PLEKHA5: variants seen among roughly 807,000 people sequenced by gnomAD.
PLEKHA5 encodes pleckstrin homology domain-containing family A member 5.
Under a neutral mutation model 181.9 loss-of-function variants are expected in PLEKHA5, and 55 were observed. The observed-to-expected ratio is 0.30, with a 90% CI of 0.24 to 0.38. The LOEUF is 0.38. Among genes scored for constraint, PLEKHA5 ranks in the 10% least tolerant of loss-of-function variants. PLEKHA5 has a pLI of 1.00. For missense variants in PLEKHA5, 1,432 were observed against 1,549.5 expected, an observed-to-expected ratio of 0.92 and a Z score of 1.27; for synonymous variants, 535 against 529.4, an observed-to-expected ratio of 1.01 and a Z score of -0.15.
chr12:19,139,481 G>A (rs1338323255), intron 3 of PLEKHA5, among the ~76,000 whole-genome samples: 1 of 152,130 alleles, frequency 6.6e-6, no homozygotes, highest in African/African-American at 2.4e-5. Flanking sequence ...GATTCAGGCT[G>A]GGAATTTCAT....
At chr12:19,160,834 A>G (rs1175413331) in intron 3 of PLEKHA5, among the ~76,000 whole-genome samples, 2 of 152,038 alleles carry the variant, frequency 1.3e-5, no homozygotes, top group Non-Finnish European at 2.9e-5. Flanking sequence ...TTTAATTTGT[A>G]GGGGTGTAGA....
chr12:19,330,396 A>G (rs1244502975), intron 20 of PLEKHA5, among the ~76,000 whole-genome samples: 1 of 152,122 alleles, frequency 6.6e-6, no homozygotes, highest in East Asian at 1.9e-4. Context: ...CCTTTTAAAC[A>G]TCTTTTTTAG....
At chr12:19,142,127 A>G (rs1276340482) in intron 3 of PLEKHA5, among the ~76,000 whole-genome samples, 2 of 152,182 alleles carry the variant, frequency 1.3e-5, no homozygotes, top group Non-Finnish European at 2.9e-5. Flanking sequence ...TGGGAGGCCG[A>G]GGCAGGAGGA....
At chr12:19,351,269 G>T (rs1180955625) in intron 25 of PLEKHA5, among the ~76,000 whole-genome samples, 2 of 152,114 alleles carry the variant, frequency 1.3e-5, no homozygotes, top group Non-Finnish European at 2.9e-5. Context: ...GGGAATGATG[G>T]CTCATTCCTG....
Position 19,320,030 on chromosome 12 carries a change from C to A in PLEKHA5, c.2128C>A (p.Gln710Lys). ...CTTCATTATCTTTTAGTTCTTAAGA[C>A]AGAAGAGCAAGATAAGTCTATATTG... ...RPQLYQQFLR[Q>K]KSKISLYCLS... Residue 710 changes from glutamine (Q) to lysine (K), a missense_variant, in exon 17 of 32, where the codon CAG (glutamine) becomes AAG (lysine). Coordinates refer to ENST00000429027, the MANE Select transcript of PLEKHA5 (RefSeq NM_001256470.2). 7.6e-7 allele frequency: 1 copy of A among 1,309,570 alleles called. No individual in the cohort carries two copies. The highest frequency in any genetic ancestry group is 1.0e-6 in the Non-Finnish European group (1 of 954,446). 81.1% of individuals were successfully genotyped at this position (1,309,570 alleles called of 1,614,324 possible). A position where few individuals can be genotyped will look rare whatever the true frequency, so the allele number is the denominator to read the frequency against.
At chr12:19,283,864 C>G (rs2076673469) in intron 12 of PLEKHA5, 119 bp downstream of exon 12, 2 of 628,586 alleles carry the variant, frequency 3.2e-6, no homozygotes, top group South Asian at 4.3e-5. Context: ...CAAGGCAGCT[C>G]TTTTTTGTTT....
rs780799164 is a variant in PLEKHA5, at chr12:19,283,556, G to C, written c.1590G>C (p.Leu530Phe). ...KQSTLPRHST[L>F]SSPKTMVNIS... ...GCACCCTCCCTCGACACAGTACTTT[G>C]AGTAGTCCCAAAACCATGGTAAATA... Residue 530 changes from leucine to phenylalanine, a missense_variant, in exon 12 of 32, where the codon TTG (leucine) becomes TTC (phenylalanine). Around this residue, in one of 2 missense-constraint regions of PLEKHA5, gnomAD observed 1,143 missense variants for 1,168.4 expected, o/e 0.98. Coordinates refer to ENST00000429027, the MANE Select transcript of PLEKHA5 (RefSeq NM_001256470.2). 4 of 1,614,168 alleles carry C rather than the reference G, an allele frequency of 2.5e-6. No homozygotes were observed. The highest frequency in any genetic ancestry group is 2.5e-6 in the Non-Finnish European group (3 of 1,180,028).
At position 19,336,547 on chromosome 12, in the gene PLEKHA5, G is replaced by T; in HGVS notation, c.2481G>T (p.Lys827Asn). Residue 827 changes from lysine to asparagine, a missense_variant, in exon 21 of 32, where the codon AAG becomes AAT. Lys to Asn is a moderately conservative substitution (Grantham distance 94). Around this residue, in one of 2 missense-constraint regions of PLEKHA5, gnomAD observed 1,143 missense variants for 1,168.4 expected, o/e 0.98. Transcript: ENST00000429027. ...AACGAGCATGGAGAGAATATGATAAGTTAGAATACGATGTAACTGTTACCA... is the reference window on the plus strand; with the variant it reads ...AACGAGCATGGAGAGAATATGATAATTTAGAATACGATGTAACTGTTACCA... ...ELERAWREYD[K>N]LEYDVTVTRN... The T allele has an allele frequency of 6.2e-7, 1 of 1,608,512 alleles. No individual in the cohort carries two copies. The highest frequency in any genetic ancestry group is 1.1e-5 in the South Asian group (1 of 90,536).
chr12:19,348,364 A>C (rs115834684), intron 24 of PLEKHA5, 35 bp from the exon 25 acceptor site: 2 of 1,518,758 alleles, frequency 1.3e-6, no homozygotes, highest in African/African-American at 2.8e-5. Context: ...AACTTTTAGC[A>C]GTTTTTTAGG....
chr12:19,158,603 A>T (rs2042306460), intron 3 of PLEKHA5, among the ~76,000 whole-genome samples: 1 of 152,148 alleles, frequency 6.6e-6, no homozygotes, highest in Non-Finnish European at 1.5e-5. Context: ...AATTTGCTGT[A>T]AAAGACATTT....
intron 14 of PLEKHA5, 115 bp from the exon 15 acceptor site, chr12:19,291,529 A>T (rs1239083774): frequency 1.6e-6 from 1 of 609,846 alleles, no homozygotes; most frequent in East Asian, 2.9e-5. Context: ...GTTGTCGTGT[A>T]CTGTGATATA....
chr12:19,336,983 C>CTTTTTTTTTT (rs1227139242), intron 21 of PLEKHA5, among the ~76,000 whole-genome samples: 1 of 112,668 alleles, frequency 8.9e-6, no homozygotes, highest in African/African-American at 3.7e-5. Flanking sequence ...TATCTTTTAT[C>CTTTTTTTTTT]TTTTTTTTTT....
chr12:19,288,635 GATAAA>G (rs1228635065), intron 13 of PLEKHA5, among the ~76,000 whole-genome samples: 1 of 152,132 alleles, frequency 6.6e-6, no homozygotes, highest in African/African-American at 2.4e-5. Context: ...TACACATTTA[GATAAA>G]ATGAAATATT....
rs1452562887 is a variant in PLEKHA5, at chr12:19,358,398, C to T, written c.3309C>T (p.Ser1103=). The T allele has an allele frequency of 6.2e-7, 1 of 1,613,100 alleles. No individual in the cohort carries two copies. The highest frequency in any genetic ancestry group is 8.5e-7 in the Non-Finnish European group (1 of 1,179,394). Residue 1103 remains serine, a synonymous_variant, in exon 27 of 32, where the codon AGC becomes AGT. Transcript: ENST00000429027. ...CTTCAGACCAGTCACCCTTACAAAG[C>T]CCTTCAAATTTAAGGGATAATCCAT... ...IGASDQSPLQ[S]PSNLRDNPFR...
intron 28 of PLEKHA5, 40 bp from the exon 29 acceptor site, chr12:19,361,542 A>C (rs528536465): frequency 9.6e-7 from 1 of 1,039,648 alleles, no homozygotes; most frequent in African/African-American, 1.6e-5. Context: ...TAATGTGATA[A>C]GAATTCTTTG....
chr12:19,208,269 A>G (rs2056095311), intron 3 of PLEKHA5, among the ~76,000 whole-genome samples: 1 of 147,642 alleles, frequency 6.8e-6, no homozygotes, highest in African/African-American at 2.5e-5. Context: ...ATTAGCTGGC[A>G]TGGTGGAAGG....
At chr12:19,329,423 T>G (rs2092620384) in intron 20 of PLEKHA5, among the ~76,000 whole-genome samples, 3 of 152,154 alleles carry the variant, frequency 2.0e-5, no homozygotes, top group South Asian at 4.1e-4. Context: ...ACCAGCTCTT[T>G]GTATGTCTGG....
At chr12:19,255,884 G>GAAAAAAAAAAAAA (rs60570882) in intron 5 of PLEKHA5, among the ~76,000 whole-genome samples, 1 of 91,864 alleles carries the variant, frequency 1.1e-5, no homozygotes, top group Non-Finnish European at 2.3e-5. Context: ...TGGAAGATTT[G>GAAAAAAAAAAAAA]AAAAAAAAAA....
At chr12:19,188,570 A>C (rs182608956) in intron 3 of PLEKHA5, among the ~76,000 whole-genome samples, 2 of 152,336 alleles carry the variant, frequency 1.3e-5, no homozygotes, top group Admixed American at 1.3e-4. Flanking sequence ...AATTTTATTG[A>C]TGCTTCTGGC....
Sources: allele counts gnomAD v4.1 joint callset (sites outside exome capture counted in the v4.1 genomes callset), GRCh38; gene constraint gnomAD v4.1.1; regional missense constraint gnomAD v4.1.1; transcripts MANE v1.5; gene names NCBI Gene and HGNC (gene_info 2026-07-23, HGNC 2026-07-21).